EEPD1: variants seen among roughly 807,000 people sequenced by gnomAD.
EEPD1 encodes the protein endonuclease/exonuclease/phosphatase family domain-containing protein 1.
In EEPD1, 17 loss-of-function variants were observed where a neutral mutation model predicts 46.3. The observed-to-expected ratio is 0.37, with a 90% CI of 0.25 to 0.55. EEPD1 has a LOEUF of 0.55. Among genes scored for constraint, EEPD1 ranks in the 20% least tolerant of loss-of-function variants. The pLI is 0.83. For synonymous variants in EEPD1, 313 were observed against 315.6 expected (o/e 0.99, Z 0.09); for missense variants, 673 against 745.6 (o/e 0.90, Z 1.13).
In EEPD1 at chr7:36,160,678, G is replaced by T. The variant is rs1031036024; in HGVS notation, c.878+5476G>T. Among the ~76,000 whole-genome samples the T allele has an allele frequency of 1.4e-4, 21 of 145,234 alleles. 1 individual carries two copies. Among genetic ancestry groups the T allele is most frequent in the African/African-American group, 5.1e-4 (20 of 39,020 alleles). On this transcript the variant is annotated intron_variant, in intron 2 of 7. Transcript: ENST00000242108. The stretch of plus-strand genomic sequence containing the variant: ...ATAGTCTGACTGCTGGGAGGTGGTG[G>T]GGGGCGGGGCGTGCATGGAGAGGGT...
intron 2 of EEPD1, among the ~76,000 whole-genome samples, chr7:36,222,204 A>C (rs1371586939): frequency 6.6e-6 from 1 of 152,234 alleles, no homozygotes; most frequent in Non-Finnish European, 1.5e-5. Context: ...GTCAATTAAC[A>C]AGTATTTTGT....
intron 2 of EEPD1, among the ~76,000 whole-genome samples, chr7:36,234,186 T>C (rs1786387422): frequency 1.3e-5 from 2 of 152,222 alleles, no homozygotes; most frequent in African/African-American, 4.8e-5. Flanking sequence ...CCCAAAGTGC[T>C]GGAATTACAG....
At chr7:36,166,347 C>T (rs1160882692) in intron 2 of EEPD1, among the ~76,000 whole-genome samples, 1 of 152,158 alleles carries the variant, frequency 6.6e-6, no homozygotes, top group African/African-American at 2.4e-5. Flanking sequence ...ATCTTTTAAA[C>T]TTTGAGATAA....
At chr7:36,219,403 GTGGTGTACACCTGTAATCCCAGCACTT>G (rs1786092336) in intron 2 of EEPD1, among the ~76,000 whole-genome samples, 1 of 151,898 alleles carries the variant, frequency 6.6e-6, no homozygotes, top group East Asian at 1.9e-4. Flanking sequence ...GCTGGGTGTG[GTGGTGTACACCTGTAATCCCAGCACTT>G]TGGGAGGCCG....
At chr7:36,286,746 C>A (rs1787347681) in intron 5 of EEPD1, among the ~76,000 whole-genome samples, 1 of 152,126 alleles carries the variant, frequency 6.6e-6, no homozygotes, top group Non-Finnish European at 1.5e-5. Context: ...GGAGGCACAT[C>A]CCAGCGGTGG....
At chr7:36,282,271 A>G (rs1454419924) in intron 4 of EEPD1, among the ~76,000 whole-genome samples, 1 of 152,238 alleles carries the variant, frequency 6.6e-6, no homozygotes, top group Non-Finnish European at 1.5e-5. Context: ...TAGGTGTCTG[A>G]GCTTCACAAG....
In EEPD1 at chr7:36,157,241, G is replaced by C. The variant is rs1429803203; in HGVS notation, c.878+2039G>C. 2.0e-5 allele frequency among the ~76,000 whole-genome samples: 3 copies of C among 152,158 alleles called. No homozygotes were observed. The East Asian group carries it at 5.8e-4, about 29-fold the overall frequency. On this transcript the variant is annotated intron_variant, in intron 2 of 7. Transcript: ENST00000242108. ...TCTCTGCAGATACCAAGGTACAACT[G>C]TCATTTTTATTTTCCCCTTTGATTG...
chr7:36,278,986 C>T lies in EEPD1; in HGVS notation c.931-2129C>T, dbSNP rs182261727. On this transcript the variant is annotated intron_variant, in intron 3 of 7. Coordinates refer to ENST00000242108, the MANE Select transcript of EEPD1 (RefSeq NM_030636.3). Reference sequence around the variant, plus strand: ...TGAGCAAATTCCAGAGAGAATGCTTCCCAGACAAACTCAGCAGCAGAGAAC... The same window carrying T: ...TGAGCAAATTCCAGAGAGAATGCTTTCCAGACAAACTCAGCAGCAGAGAAC... 4.4e-3 allele frequency among the ~76,000 whole-genome samples: 665 copies of T among 152,302 alleles called. 3 individuals carry two copies. Among genetic ancestry groups the T allele is most frequent in the Non-Finnish European group, 6.9e-3 (471 of 68,014 alleles).
chr7:36,251,569 C>G (rs1390470885), intron 3 of EEPD1, among the ~76,000 whole-genome samples: 1 of 152,244 alleles, frequency 6.6e-6, no homozygotes, highest in Non-Finnish European at 1.5e-5. Flanking sequence ...CTTGGCCTCC[C>G]AGAGTGCTGG....
In EEPD1 at chr7:36,218,098, C is replaced by T. The variant is rs533791238; in HGVS notation, c.879-20887C>T. Among the ~76,000 whole-genome samples the T allele has an allele frequency of 5.3e-5, 8 of 152,278 alleles. No homozygotes were observed. The South Asian group carries it at 1.7e-3, about 32-fold the overall frequency. ...AGCAGTAAGCCTGGCTGGGCAGAAA[C>T]GATACTCTGATTGTTATTAAGAACT... On this transcript the variant is annotated intron_variant, in intron 2 of 7. Coordinates refer to ENST00000242108, the MANE Select transcript of EEPD1 (RefSeq NM_030636.3).
intron 3 of EEPD1, among the ~76,000 whole-genome samples, chr7:36,247,885 G>A (rs1021558174): frequency 3.9e-5 from 6 of 152,212 alleles, no homozygotes; most frequent in African/African-American, 1.2e-4. Context: ...TCTTCTCATA[G>A]TGTGACTTGT....
intron 3 of EEPD1, among the ~76,000 whole-genome samples, chr7:36,260,444 G>T (rs1786902972): frequency 6.6e-6 from 1 of 152,180 alleles, no homozygotes; most frequent in Admixed American, 6.5e-5. Context: ...ATTTTTGAAA[G>T]CTGGGTATAT....
chr7:36,297,936 T>C (rs1787553162), intron 7 of EEPD1, among the ~76,000 whole-genome samples: 1 of 152,206 alleles, frequency 6.6e-6, no homozygotes. Flanking sequence ...CTATTATACT[T>C]CAATGAGAAA....
At chr7:36,247,418 A>G (rs1174401489) in intron 3 of EEPD1, among the ~76,000 whole-genome samples, 2 of 152,214 alleles carry the variant, frequency 1.3e-5, no homozygotes, top group Non-Finnish European at 1.5e-5. Context: ...TGGACTTGCA[A>G]TTAACTTAGT....
chr7:36,295,388 T>C (rs1377475398), intron 6 of EEPD1, among the ~76,000 whole-genome samples: 1 of 152,152 alleles, frequency 6.6e-6, no homozygotes, highest in African/African-American at 2.4e-5. Flanking sequence ...ACTCAAGGTA[T>C]ACCTGACTTA....
At chr7:36,266,349 A>G (rs1787018542) in intron 3 of EEPD1, among the ~76,000 whole-genome samples, 1 of 152,158 alleles carries the variant, frequency 6.6e-6, no homozygotes, top group Non-Finnish European at 1.5e-5. Context: ...CTCAGTAACC[A>G]TATGTGAAGA....
intron 3 of EEPD1, among the ~76,000 whole-genome samples, chr7:36,253,393 G>A (rs550915703): frequency 6.6e-6 from 1 of 152,294 alleles, no homozygotes; most frequent in Admixed American, 6.5e-5. Context: ...TGTTCCATGT[G>A]CACTTCAGAA....
At chr7:36,226,661 T>C (rs1786236449) in intron 2 of EEPD1, among the ~76,000 whole-genome samples, 1 of 152,116 alleles carries the variant, frequency 6.6e-6, no homozygotes, top group Admixed American at 6.6e-5. Flanking sequence ...TAGAGTGCAC[T>C]AGAACTATAG....
rs1338599339 is a variant in EEPD1, at chr7:36,190,743, A to G, written c.878+35541A>G. Among the ~76,000 whole-genome samples the G allele has an allele frequency of 5.9e-5, 9 of 152,342 alleles. 1 individual carries two copies. The highest frequency in any genetic ancestry group is 3.9e-4 in the Admixed American group (6 of 15,308). On this transcript the variant is annotated intron_variant, in intron 2 of 7. Coordinates refer to ENST00000242108, the MANE Select transcript of EEPD1 (RefSeq NM_030636.3). The stretch of plus-strand genomic sequence containing the variant: ...AAATAATACTAATCCAGGTACAGCT[A>G]TAAAACAAATGACTCTTTCAAAGTG...
Sources: allele counts gnomAD v4.1 joint callset (sites outside exome capture counted in the v4.1 genomes callset), GRCh38; gene constraint gnomAD v4.1.1; transcripts MANE v1.5; gene names NCBI Gene and HGNC (gene_info 2026-07-23, HGNC 2026-07-21).